The following RASEF variants were observed in gnomAD, a reference collection of about 807,000 sequenced individuals.
RASEF encodes the protein RAS and EF-hand domain containing.
In RASEF, 68 loss-of-function variants were observed where a neutral mutation model predicts 90.1. The observed-to-expected ratio is 0.75, with a 90% CI of 0.62 to 0.92. The LOEUF is 0.92. Ranked by LOEUF, RASEF falls within the 40% of genes least tolerant of loss-of-function variation. The probability of loss-of-function intolerance (pLI) is 0.00; values close to 1 mark genes in which losing one functional copy is unlikely to be tolerated. For missense variants in RASEF, 949 were observed against 937.2 expected (o/e 1.01, Z -0.16); for synonymous variants, 331 against 345.2 (o/e 0.96, Z 0.46).
intron 1 of RASEF, among the ~76,000 whole-genome samples, chr9:83,049,772 A>G (rs1457896516): frequency 2.1e-5 from 2 of 97,128 alleles, no homozygotes; most frequent in Non-Finnish European, 3.6e-5. Flanking sequence ...ATTCCCACCT[A>G]TGAGTGAGAA....
intron 1 of RASEF, among the ~76,000 whole-genome samples, chr9:83,030,594 T>C (rs1829628193): frequency 6.6e-6 from 1 of 152,178 alleles, no homozygotes; most frequent in African/African-American, 2.4e-5. Context: ...TTACAGGAAA[T>C]GTCTGCCACT....
At chr9:83,011,968 G>A (rs1048933298) in intron 5 of RASEF, among the ~76,000 whole-genome samples, 1 of 152,020 alleles carries the variant, frequency 6.6e-6, no homozygotes, top group Non-Finnish European at 1.5e-5. Context: ...TCAAATTTGA[G>A]AGTTAATCTA....
chr9:83,162,030 A>G, the RASEF span, among the ~76,000 whole-genome samples: 2 of 152,242 alleles, frequency 1.3e-5, no homozygotes, highest in Non-Finnish European at 2.9e-5. Context: ...AACAGCATGG[A>G]AATGGACTAA....
the RASEF span, among the ~76,000 whole-genome samples, chr9:83,213,817 A>G: frequency 1.3e-5 from 2 of 152,212 alleles, no homozygotes; most frequent in Non-Finnish European, 2.9e-5. Context: ...GATCTAAACA[A>G]TCAAATTTTC....
At chr9:83,148,074 C>T in the RASEF span, among the ~76,000 whole-genome samples, 1 of 151,878 alleles carries the variant, frequency 6.6e-6, no homozygotes, top group South Asian at 2.1e-4. Flanking sequence ...AGAGGAATGC[C>T]CGTTCCCATC....
chr9:83,211,823 C>T, the RASEF span, among the ~76,000 whole-genome samples: 1 of 152,106 alleles, frequency 6.6e-6, no homozygotes, highest in Non-Finnish European at 1.5e-5. Flanking sequence ...CAGCTATGCC[C>T]ACAAGAAGTA....
chr9:82,998,481 A>T, intron 12 of RASEF, 35 bp from the exon 13 acceptor site: 1 of 1,329,748 alleles, frequency 7.5e-7, no homozygotes, highest in Non-Finnish European at 1.1e-6. Flanking sequence ...AGCACGATGT[A>T]AATAATTCCA....
the RASEF span, among the ~76,000 whole-genome samples, chr9:83,164,349 A>G: frequency 0.23 from 10,591 of 46,468 alleles, 1,000 homozygotes; most frequent in African/African-American, 0.43. Flanking sequence ...ATATGTGTGT[A>G]TATATATATA....
chr9:83,150,179 A>T, the RASEF span, among the ~76,000 whole-genome samples: 1 of 152,218 alleles, frequency 6.6e-6, no homozygotes, highest in African/African-American at 2.4e-5. Flanking sequence ...AGAGATGCAC[A>T]GGACAAGGTG....
the RASEF span, among the ~76,000 whole-genome samples, chr9:83,115,551 TC>T: frequency 6.6e-6 from 1 of 152,178 alleles, no homozygotes; most frequent in African/African-American, 2.4e-5. Flanking sequence ...TTTCTTCTCT[TC>T]CATTCATGAT....
chr9:83,191,029 C>A, the RASEF span, among the ~76,000 whole-genome samples: 4 of 152,130 alleles, frequency 2.6e-5, no homozygotes, highest in Non-Finnish European at 5.9e-5. Context: ...GTCTCCACAT[C>A]TTTAGAGACA....
chr9:82,991,586 T>A (rs1218011946), intron 15 of RASEF, among the ~76,000 whole-genome samples: 4 of 152,140 alleles, frequency 2.6e-5, no homozygotes, highest in African/African-American at 9.7e-5. Context: ...AATGCCACAA[T>A]GGGACCTTTA....
the RASEF span, among the ~76,000 whole-genome samples, chr9:83,198,470 T>C: frequency 0.2 from 30,845 of 152,160 alleles, 3,219 homozygotes; most frequent in Admixed American, 0.25. Flanking sequence ...ATGGATAGAC[T>C]GCCTGGCCAG....
At chr9:83,143,002 C>G in the RASEF span, among the ~76,000 whole-genome samples, 1 of 152,126 alleles carries the variant, frequency 6.6e-6, no homozygotes, top group Non-Finnish European at 1.5e-5. Flanking sequence ...TCTAGCTGGT[C>G]AGTATCTTTA....
At chr9:83,176,222 T>C in the RASEF span, among the ~76,000 whole-genome samples, 1 of 152,228 alleles carries the variant, frequency 6.6e-6, no homozygotes, top group Non-Finnish European at 1.5e-5. Context: ...ATCTTCCTCA[T>C]AGATTGGCCC....
At chr9:83,097,606 C>T in the RASEF span, among the ~76,000 whole-genome samples, 1 of 152,204 alleles carries the variant, frequency 6.6e-6, no homozygotes, top group Non-Finnish European at 1.5e-5. Flanking sequence ...TGAACAGACA[C>T]TTCTCAAAAG....
chr9:83,216,671 C>A, the RASEF span, among the ~76,000 whole-genome samples: 2 of 152,288 alleles, frequency 1.3e-5, no homozygotes, highest in East Asian at 3.9e-4. Flanking sequence ...GCCACTGAAG[C>A]CCCCACACAG....
At chr9:83,161,572 C>T in the RASEF span, among the ~76,000 whole-genome samples, 3 of 151,902 alleles carry the variant, frequency 2.0e-5, no homozygotes, top group African/African-American at 4.8e-5. Flanking sequence ...TCCAATGAGA[C>T]GTTGGACTGT....
the RASEF span, among the ~76,000 whole-genome samples, chr9:83,107,899 C>T: frequency 6.6e-6 from 1 of 152,114 alleles, no homozygotes; most frequent in East Asian, 1.9e-4. Context: ...CCCAGGAAAA[C>T]CTGTTTTAAA....
Sources: allele counts gnomAD v4.1 joint callset (sites outside exome capture counted in the v4.1 genomes callset), GRCh38; gene constraint gnomAD v4.1.1; transcripts MANE v1.5; gene names NCBI Gene and HGNC (gene_info 2026-07-23, HGNC 2026-07-21).